KCNQ5: variants seen among roughly 807,000 people sequenced by gnomAD.
The protein encoded by KCNQ5 is potassium voltage-gated channel subfamily Q member 5.
In KCNQ5, 30 loss-of-function variants were observed where a neutral mutation model predicts 98.2. That is an observed-to-expected ratio of 0.31 (90% CI 0.23 to 0.41). KCNQ5 has a LOEUF of 0.41. Among genes scored for constraint, KCNQ5 ranks in the 10% least tolerant of loss-of-function variants. The probability of loss-of-function intolerance (pLI) is 1.00; values close to 1 mark genes in which losing one functional copy is unlikely to be tolerated. For synonymous variants in KCNQ5, 458 were observed against 449.4 expected, an observed-to-expected ratio of 1.02 and a Z score of -0.24; for missense variants, 835 against 1,182.5, an observed-to-expected ratio of 0.71 and a Z score of 4.31.
At chr6:72,660,111 G>A (rs986385630) in intron 1 of KCNQ5, among the ~76,000 whole-genome samples, 1 of 152,138 alleles carries the variant, frequency 6.6e-6, no homozygotes, top group Non-Finnish European at 1.5e-5. Context: ...CAGTATTACT[G>A]AAGTGTTATG....
chr6:72,940,813 G>T (rs1236672588), intron 1 of KCNQ5, among the ~76,000 whole-genome samples: 1 of 152,120 alleles, frequency 6.6e-6, no homozygotes, highest in Admixed American at 6.5e-5. Flanking sequence ...TGTTGGTAAA[G>T]GGGGAATAAC....
At chr6:72,984,672 G>A (rs909325415) in intron 1 of KCNQ5, among the ~76,000 whole-genome samples, 15 of 152,146 alleles carry the variant, frequency 9.9e-5, no homozygotes, top group African/African-American at 3.6e-4. Context: ...CTTCCTGGGT[G>A]AGGCAATACC....
chr6:72,804,481 A>G (rs1774849552), intron 1 of KCNQ5, among the ~76,000 whole-genome samples: 1 of 152,024 alleles, frequency 6.6e-6, no homozygotes, highest in Non-Finnish European at 1.5e-5. Flanking sequence ...AGTTCCATCT[A>G]TGTTGTTGCA....
chr6:72,951,444 A>AT (rs112394660), intron 1 of KCNQ5, among the ~76,000 whole-genome samples: 114,459 of 135,280 alleles, frequency 0.85, 48,914 homozygotes, highest in Non-Finnish European at 0.92. Flanking sequence ...CACCCAGCAA[A>AT]TTTTTTTTTT....
chr6:72,866,885 A>G (rs1778009538), intron 1 of KCNQ5, among the ~76,000 whole-genome samples: 1 of 152,224 alleles, frequency 6.6e-6, no homozygotes, highest in African/African-American at 2.4e-5. Context: ...GGAAAACTAC[A>G]TGAACTTCTT....
intron 2 of KCNQ5, among the ~76,000 whole-genome samples, chr6:73,029,322 A>G (rs1242983818): frequency 6.6e-6 from 1 of 152,118 alleles, no homozygotes; most frequent in Non-Finnish European, 1.5e-5. Context: ...TTGTGACAGA[A>G]ACAAAGGATA....
intron 1 of KCNQ5, among the ~76,000 whole-genome samples, chr6:72,889,120 G>A (rs979669612): frequency 6.6e-6 from 1 of 152,200 alleles, no homozygotes; most frequent in Non-Finnish European, 1.5e-5. Flanking sequence ...TAGGTGTCAT[G>A]AGGGAACCTT....
chr6:73,048,488 C>T (rs1233476583), intron 3 of KCNQ5, among the ~76,000 whole-genome samples: 1 of 152,140 alleles, frequency 6.6e-6, no homozygotes, highest in Non-Finnish European at 1.5e-5. Flanking sequence ...ATCAAGGTTC[C>T]TTCTAAAGAC....
chr6:73,101,039 G>C (rs1774752285), intron 5 of KCNQ5, among the ~76,000 whole-genome samples: 1 of 152,140 alleles, frequency 6.6e-6, no homozygotes, highest in South Asian at 2.1e-4. Context: ...TGGCTTTACT[G>C]TTGAATTCTA....
At chr6:73,107,066 A>G (rs757245742) in intron 6 of KCNQ5, among the ~76,000 whole-genome samples, 4 of 152,236 alleles carry the variant, frequency 2.6e-5, no homozygotes, top group Non-Finnish European at 5.9e-5. Context: ...CAGATTCCCT[A>G]CAGGAAAATA....
rs570938841 is a variant in KCNQ5 at position 73,188,833 on chromosome 6, A to G, written c.1578-1740A>G. Among the ~76,000 whole-genome samples, 5 of 152,104 alleles carry G rather than the reference A, an allele frequency of 3.3e-5. No homozygotes were observed. The South Asian group carries it at 1.0e-3, about 32-fold the overall frequency. ...CCCCATCTCTACTAAAGATACAAAAAATTAGCAGGTATGGTGGCACGTGCC... is the reference window on the plus strand; with the variant it reads ...CCCCATCTCTACTAAAGATACAAAAGATTAGCAGGTATGGTGGCACGTGCC... On this transcript the variant is annotated intron_variant, in intron 11 of 13. Transcript: ENST00000370398.
chr6:72,766,264 C>G (rs994912538), intron 1 of KCNQ5, among the ~76,000 whole-genome samples: 1 of 151,870 alleles, frequency 6.6e-6, no homozygotes, highest in African/African-American at 2.4e-5. Context: ...GAGCACAGTT[C>G]GGTAGGAGAC....
chr6:72,996,848 A>G (rs1444366966), intron 1 of KCNQ5, among the ~76,000 whole-genome samples: 1 of 152,226 alleles, frequency 6.6e-6, no homozygotes, highest in Non-Finnish European at 1.5e-5. Flanking sequence ...ACACGTCAGG[A>G]CATAATTTCA....
At chr6:72,986,578 C>T (rs1394448075) in intron 1 of KCNQ5, 2 of 623,950 alleles carry the variant, frequency 3.2e-6, no homozygotes, top group African/African-American at 3.7e-5. Context: ...AGAAGGGTGT[C>T]AGCACCCTTT....
chr6:73,128,244 A>C (rs1256623201), intron 9 of KCNQ5, among the ~76,000 whole-genome samples: 1 of 152,196 alleles, frequency 6.6e-6, no homozygotes, highest in African/African-American at 2.4e-5. Flanking sequence ...ATCATAAAAT[A>C]CTTCTTTAGC....
At chr6:73,144,723 G>C (rs1412786956) in intron 10 of KCNQ5, among the ~76,000 whole-genome samples, 1 of 152,194 alleles carries the variant, frequency 6.6e-6, no homozygotes, top group Non-Finnish European at 1.5e-5. Context: ...TCTGTGTTCA[G>C]CTGCTGTGTT....
intron 11 of KCNQ5, among the ~76,000 whole-genome samples, chr6:73,182,391 T>C (rs1228419149): frequency 6.6e-6 from 1 of 152,190 alleles, no homozygotes; most frequent in African/African-American, 2.4e-5. Context: ...TGAGTCGCTC[T>C]GGGCTTGCTC....
At chr6:72,829,713 A>T (rs949999652) in intron 1 of KCNQ5, among the ~76,000 whole-genome samples, 1 of 152,214 alleles carries the variant, frequency 6.6e-6, no homozygotes, top group Non-Finnish European at 1.5e-5. Context: ...TGGACCAAGG[A>T]TCAGAATAAC....
Position 73,102,947 on chromosome 6 carries a change from G to T in KCNQ5, c.919-2310G>T, listed in dbSNP as rs543787471. On this transcript the variant is annotated intron_variant, in intron 5 of 13. Transcript: ENST00000370398. ...TACCATGTGATCCAGCAATCCCACTGCTAGGTATATTCCCAAAAGAAAGGA... is the reference window on the plus strand; with the variant it reads ...TACCATGTGATCCAGCAATCCCACTTCTAGGTATATTCCCAAAAGAAAGGA... Among the ~76,000 whole-genome samples the T allele has an allele frequency of 1.1e-4, 17 of 152,260 alleles. 1 individual carries two copies. The East Asian group carries it at 3.3e-3, about 29-fold the overall frequency.
Sources: gnomAD v4.1 joint callset for allele counts (sites outside exome capture counted in the v4.1 genomes callset) on GRCh38, gnomAD v4.1.1 for gene constraint, MANE v1.5 for transcripts, NCBI Gene and HGNC (gene_info 2026-07-23, HGNC 2026-07-21) for gene names.